BMPR1B: variants seen among roughly 807,000 people sequenced by gnomAD.
The protein encoded by BMPR1B is bone morphogenetic protein receptor type-1B.
A neutral mutation model predicts 59.1 loss-of-function variants in BMPR1B; 12 were observed. The ratio of observed to expected loss-of-function variants is 0.20; its 90% CI spans 0.13 to 0.33. BMPR1B has a LOEUF of 0.33. Ranked by LOEUF, BMPR1B falls within the 10% of genes least tolerant of loss-of-function variation. BMPR1B has a pLI of 1.00. For synonymous variants in BMPR1B, 237 were observed against 207.3 expected, an observed-to-expected ratio of 1.14 and a Z score of -1.23; for missense variants, 550 against 610.9, an observed-to-expected ratio of 0.90 and a Z score of 1.05.
intron 1 of BMPR1B, among the ~76,000 whole-genome samples, chr4:94,770,043 T>C (rs761282366): frequency 2.6e-4 from 40 of 152,198 alleles, no homozygotes; most frequent in Non-Finnish European, 5.1e-4. Flanking sequence ...ATGTAGAGTC[T>C]TCACATCTAT....
At chr4:94,847,668 A>G (rs187455229) in intron 1 of BMPR1B, among the ~76,000 whole-genome samples, 1 of 152,248 alleles carries the variant, frequency 6.6e-6, no homozygotes, top group African/African-American at 2.4e-5. Flanking sequence ...ATTATGTTAA[A>G]TGAAATGAGC....
At chr4:95,071,125 C>T (rs914384827) in intron 3 of BMPR1B, among the ~76,000 whole-genome samples, 4 of 152,116 alleles carry the variant, frequency 2.6e-5, no homozygotes, top group African/African-American at 9.7e-5. Flanking sequence ...TTCACCAACA[C>T]GTTTTTCATG....
intron 1 of BMPR1B, among the ~76,000 whole-genome samples, chr4:94,832,234 G>A (rs1346123526): frequency 1.3e-5 from 2 of 152,146 alleles, no homozygotes; most frequent in African/African-American, 4.8e-5. Context: ...ATGGTGTACA[G>A]GTTTGTAGCC....
At chr4:94,846,472 G>T (rs1725334361) in intron 1 of BMPR1B, among the ~76,000 whole-genome samples, 1 of 152,118 alleles carries the variant, frequency 6.6e-6, no homozygotes, top group Non-Finnish European at 1.5e-5. Flanking sequence ...TCAACTGCCA[G>T]TGCAGCTAGA....
chr4:94,846,021 A>C (rs139135545), intron 1 of BMPR1B, among the ~76,000 whole-genome samples: 1 of 152,208 alleles, frequency 6.6e-6, no homozygotes, highest in Non-Finnish European at 1.5e-5. Context: ...CTGAGCAAAA[A>C]GAACAAAACT....
chr4:94,821,825 A>G (rs1724221671), intron 1 of BMPR1B, among the ~76,000 whole-genome samples: 1 of 152,204 alleles, frequency 6.6e-6, no homozygotes, highest in South Asian at 2.1e-4. Context: ...GCTTGATTTC[A>G]GTAAATTCAT....
At chr4:94,978,479 A>G (rs549418781) in intron 2 of BMPR1B, among the ~76,000 whole-genome samples, 20 of 152,318 alleles carry the variant, frequency 1.3e-4, no homozygotes, top group Non-Finnish European at 2.8e-4. Flanking sequence ...TTCTGCCAGC[A>G]TAGTGTACTC....
chr4:94,920,250 TACAGA>T (rs1372130912), intron 2 of BMPR1B, among the ~76,000 whole-genome samples: 1 of 152,224 alleles, frequency 6.6e-6, no homozygotes, highest in African/African-American at 2.4e-5. Flanking sequence ...TCTCTCTTCA[TACAGA>T]ACAGTTATTT....
chr4:95,125,484 T>C (rs983972368), intron 8 of BMPR1B, among the ~76,000 whole-genome samples: 1 of 152,170 alleles, frequency 6.6e-6, no homozygotes, highest in African/African-American at 2.4e-5. Context: ...TTCTCAGTAT[T>C]TCTACAAAGA....
At chr4:95,073,841 A>G (rs1019161335) in intron 3 of BMPR1B, among the ~76,000 whole-genome samples, 4 of 152,192 alleles carry the variant, frequency 2.6e-5, no homozygotes, top group Non-Finnish European at 4.4e-5. Context: ...ATGAATATTT[A>G]TGAAGTCCTT....
intron 2 of BMPR1B, among the ~76,000 whole-genome samples, chr4:94,906,919 ATTGAG>A (rs1395026634): frequency 5.3e-5 from 8 of 152,048 alleles, no homozygotes; most frequent in African/African-American, 1.9e-4. Flanking sequence ...AACTATTATA[ATTGAG>A]TTAATTTATG....
At chr4:94,997,459 G>A (rs975125830) in intron 3 of BMPR1B, among the ~76,000 whole-genome samples, 2 of 152,150 alleles carry the variant, frequency 1.3e-5, no homozygotes, top group African/African-American at 4.8e-5. Flanking sequence ...GAGACCAATA[G>A]CTGTGCAGTA....
intron 2 of BMPR1B, among the ~76,000 whole-genome samples, chr4:94,973,797 A>G (rs1020713965): frequency 1.3e-5 from 2 of 152,176 alleles, no homozygotes; most frequent in Non-Finnish European, 2.9e-5. Flanking sequence ...TAGGTACTAA[A>G]TCACTATCAG....
At chr4:94,969,298 G>A (rs572065720) in intron 2 of BMPR1B, among the ~76,000 whole-genome samples, 55 of 152,222 alleles carry the variant, frequency 3.6e-4, no homozygotes, top group Non-Finnish European at 1.3e-4. Flanking sequence ...GCCTCCCAAA[G>A]TGTTGGGATC....
At chr4:95,054,475 A>C (rs1211761055) in intron 3 of BMPR1B, among the ~76,000 whole-genome samples, 6 of 152,190 alleles carry the variant, frequency 3.9e-5, no homozygotes, top group Non-Finnish European at 8.8e-5. Context: ...ATATTTTTAA[A>C]TCTAGGGAAA....
intron 12 of BMPR1B, among the ~76,000 whole-genome samples, chr4:95,153,513 G>C (rs760252623): frequency 2.6e-5 from 4 of 152,102 alleles, no homozygotes; most frequent in Non-Finnish European, 5.9e-5. Flanking sequence ...GCACTGCAAA[G>C]GGGGGACAGA....
intron 1 of BMPR1B, among the ~76,000 whole-genome samples, chr4:94,758,295 A>AG (rs935522242): frequency 4.7e-5 from 7 of 148,404 alleles, no homozygotes; most frequent in Admixed American, 3.3e-4. Flanking sequence ...GGCGGCGGGG[A>AG]GGGGGTCAGG....
chr4:94,759,015 T>C (rs1482172330), intron 1 of BMPR1B, among the ~76,000 whole-genome samples: 10 of 152,216 alleles, frequency 6.6e-5, no homozygotes, highest in Admixed American at 6.5e-4. Context: ...CTCGTCCCTC[T>C]TTCTGTCCAG....
chr4:94,896,445 T>G (rs1034506695), intron 2 of BMPR1B, among the ~76,000 whole-genome samples: 3 of 152,018 alleles, frequency 2.0e-5, no homozygotes, highest in African/African-American at 7.2e-5. Context: ...AGTTGAAAAT[T>G]AGCTTGAATT....
Sources: allele counts gnomAD v4.1 joint callset (sites outside exome capture counted in the v4.1 genomes callset), GRCh38; gene constraint gnomAD v4.1.1; transcripts MANE v1.5; gene names NCBI Gene and HGNC (gene_info 2026-07-23, HGNC 2026-07-21).